Variants in SLC22A23 observed in about 807,000 individuals in gnomAD.
SLC22A23 encodes ion transporter protein.
SLC22A23 carries 26 observed loss-of-function variants against 61.0 expected under a neutral mutation model. That is an observed-to-expected ratio of 0.43 (90% CI 0.31 to 0.59). The LOEUF (loss-of-function observed/expected upper bound fraction) is 0.59. Ranked by LOEUF, SLC22A23 falls within the 20% of genes least tolerant of loss-of-function variation. SLC22A23 has a pLI of 0.11. For synonymous variants in SLC22A23, 430 were observed against 413.9 expected (o/e 1.04, Z -0.47); for missense variants, 796 against 934.7 (o/e 0.85, Z 1.94).
intron 2 of SLC22A23, 106 bp downstream of exon 2, chr6:3,415,646 C>T (rs575387404): frequency 2.5e-6 from 2 of 787,148 alleles, no homozygotes; most frequent in Admixed American, 2.4e-5. Flanking sequence ...TGCTCTGGCA[C>T]TGGGAAAAGA....
rs771245769 is a variant in SLC22A23 at position 3,273,419 on chromosome 6, G to C, written c.1704-7C>G. The C allele has an allele frequency of 5.0e-6, 8 of 1,611,538 alleles. No individual in the cohort carries two copies. The South Asian group carries it at 6.6e-5, about 13-fold the overall frequency. ...CAGCCCCAGCCCGCCACACCTGCAG[G>C]GGGAGGGAAGCACAGGGATTGCTGC... On this transcript the variant is annotated splice_region_variant and splice_polypyrimidine_tract_variant and intron_variant, in intron 9 of 9. Transcript: ENST00000406686.
chr6:3,358,323 G>A (rs1765236566), intron 3 of SLC22A23, among the ~76,000 whole-genome samples: 1 of 152,068 alleles, frequency 6.6e-6, no homozygotes, highest in Non-Finnish European at 1.5e-5. Flanking sequence ...TGGAAACAAC[G>A]CAGAGGTCCA....
intron 9 of SLC22A23, among the ~76,000 whole-genome samples, chr6:3,277,674 G>A (rs1415067412): frequency 6.6e-6 from 1 of 152,168 alleles, no homozygotes; most frequent in African/African-American, 2.4e-5. Context: ...TCCGTGTGCT[G>A]TCCCCAGCAC....
Position 3,414,510 on chromosome 6 carries a change from T to G in SLC22A23, c.758+1242A>C, listed in dbSNP as rs1296342436. 6.6e-6 allele frequency among the ~76,000 whole-genome samples: 1 copy of G among 152,058 alleles called. No homozygotes were observed. Among genetic ancestry groups the G allele is most frequent in the Middle Eastern group, 3.2e-3 (1 of 316 alleles). ...ATGTCAAGCACACAGGAAATCACAT[T>G]ACATGTCAGCTCAAGGAACTCCCAA... On this transcript the variant is annotated intron_variant, in intron 2 of 9. Coordinates refer to ENST00000406686, the MANE Select transcript of SLC22A23 (RefSeq NM_015482.2). The surrounding 1 kb of genome is among the most constrained non-coding windows in gnomAD (Gnocchi z 5.1).
Position 3,272,865 on chromosome 6 carries a change from T to C in SLC22A23, c.*190A>G, listed in dbSNP as rs1248003121. 1 of 519,994 alleles carries C rather than the reference T, an allele frequency of 1.9e-6. No individual in the cohort carries two copies. Among genetic ancestry groups the C allele is most frequent in the Admixed American group, 3.7e-5 (1 of 27,362 alleles). 32.2% of individuals were successfully genotyped at this position (519,994 alleles called of 1,614,324 possible). ...GAAAAGAAAGTCTTGAAAGGGTTAT[T>C]TCCAAAGAGTTTGTCTCCTCCGACC... On this transcript the variant is annotated 3_prime_UTR_variant, in exon 10 of 10. Transcript: ENST00000406686.
chr6:3,294,073 G>A (rs1290983560), intron 5 of SLC22A23, among the ~76,000 whole-genome samples: 1 of 152,146 alleles, frequency 6.6e-6, no homozygotes, highest in African/African-American at 2.4e-5. Flanking sequence ...CTTCCCCTGG[G>A]GCTAGCCTGA....
intron 1 of SLC22A23, among the ~76,000 whole-genome samples, chr6:3,452,588 C>A: frequency 8.6e-6 from 1 of 116,648 alleles, no homozygotes; most frequent in East Asian, 2.4e-4. Context: ...GCAACAGAGC[C>A]AGACGCTGTC....
At position 3,398,318 on chromosome 6, in the gene SLC22A23, C is replaced by A. The variant is rs551908826; in HGVS notation, c.913+11870G>T. Reference sequence around the variant, plus strand: ...ACTTTGGTTTGGAGGGAGTTCTGAGCCTTTTCCCAGAACTCACACAAAGCA... The same window carrying A: ...ACTTTGGTTTGGAGGGAGTTCTGAGACTTTTCCCAGAACTCACACAAAGCA... On this transcript the variant is annotated intron_variant, in intron 3 of 9. Transcript: ENST00000406686. 4.6e-5 allele frequency among the ~76,000 whole-genome samples: 7 copies of A among 152,218 alleles called. 1 individual carries two copies. Among genetic ancestry groups the A allele is most frequent in the African/African-American group, 1.7e-4 (7 of 41,524 alleles).
At chr6:3,383,110 GC>G (rs1393344611) in intron 3 of SLC22A23, among the ~76,000 whole-genome samples, 1 of 152,160 alleles carries the variant, frequency 6.6e-6, no homozygotes, top group Non-Finnish European at 1.5e-5. Flanking sequence ...CCAAATGATA[GC>G]AGCATATTCA....
intron 3 of SLC22A23, among the ~76,000 whole-genome samples, chr6:3,326,360 T>G (rs1177749297): frequency 6.6e-6 from 1 of 152,236 alleles, no homozygotes; most frequent in Non-Finnish European, 1.5e-5. Flanking sequence ...CGGTATCGCA[T>G]GCGATCACAT....
intron 3 of SLC22A23, among the ~76,000 whole-genome samples, chr6:3,350,252 T>C (rs883129): frequency 0.37 from 55,988 of 152,064 alleles, 11,549 homozygotes; most frequent in African/African-American, 0.55. Flanking sequence ...TGTCATAAAC[T>C]ACAGTTTTAA....
At position 3,297,341 on chromosome 6, in the gene SLC22A23, G is replaced by C. The variant is rs1190416003; in HGVS notation, c.1210+750C>G. Among the ~76,000 whole-genome samples, 1 of 152,224 alleles carries C rather than the reference G, an allele frequency of 6.6e-6. No individual in the cohort carries two copies. The highest frequency in any genetic ancestry group is 1.5e-5 in the Non-Finnish European group (1 of 68,040). On this transcript the variant is annotated intron_variant, in intron 5 of 9. Transcript: ENST00000406686. The surrounding 1 kb of genome is among the most constrained non-coding windows in gnomAD (Gnocchi z 4.3). ...AGCAACAATTTATCCCAGGTCTTCA[G>C]TGAGGGCAGTGAGTCAGAGCTTGGG...
Position 3,456,302 on chromosome 6 carries a change from G to A in SLC22A23, c.258C>T (p.Pro86=), listed in dbSNP as rs1772404169. The A allele has an allele frequency of 6.4e-7, 1 of 1,550,744 alleles. No homozygotes were observed. The highest frequency in any genetic ancestry group is 2.0e-5 in the Admixed American group (1 of 50,972). The change falls in exon 1 of 10, where the codon CCC becomes CCT. Residue 86 remains proline (P), a synonymous_variant. Transcript: ENST00000406686. The surrounding 1 kb of genome is among the most constrained non-coding windows in gnomAD (Gnocchi z 7.1). ...LLLDYDGSVL[P]FLGGLGGGYQ... Reference sequence around the variant, plus strand: ...AGCCCCCGCCCAGGCCCCCGAGGAAGGGCAGCACCGACCCGTCATAGTCCA... The same window carrying A: ...AGCCCCCGCCCAGGCCCCCGAGGAAAGGCAGCACCGACCCGTCATAGTCCA...
At chr6:3,422,690 T>C (rs1233138963) in intron 1 of SLC22A23, among the ~76,000 whole-genome samples, 1 of 152,228 alleles carries the variant, frequency 6.6e-6, no homozygotes. Flanking sequence ...ATGAACATCC[T>C]TGGGTACTCC....
chr6:3,292,654 G>A (rs969560213), intron 5 of SLC22A23, among the ~76,000 whole-genome samples: 1 of 152,230 alleles, frequency 6.6e-6, no homozygotes, highest in East Asian at 1.9e-4. Flanking sequence ...ATCCCCGTGT[G>A]GTCGGGGCTG....
intron 3 of SLC22A23, among the ~76,000 whole-genome samples, chr6:3,332,782 T>A (rs374449075): frequency 1.1e-4 from 16 of 152,294 alleles, no homozygotes; most frequent in South Asian, 2.1e-4. Context: ...GTTTTTTTTT[T>A]AAATCAGGAT....
Position 3,374,231 on chromosome 6 carries a change from T to C in SLC22A23, c.913+35957A>G, listed in dbSNP as rs149099512. ...AGAATGATTTGTGTGCAAGTCAGAATGCCTATGCTGGGCTCTCAGCTATAT... is the reference window on the plus strand; with the variant it reads ...AGAATGATTTGTGTGCAAGTCAGAACGCCTATGCTGGGCTCTCAGCTATAT... On this transcript the variant is annotated intron_variant, in intron 3 of 9. Coordinates refer to ENST00000406686, the MANE Select transcript of SLC22A23 (RefSeq NM_015482.2). Among the ~76,000 whole-genome samples the C allele has an allele frequency of 4.8e-3, 728 of 152,358 alleles. 11 individuals are homozygous for C. Among genetic ancestry groups the C allele is most frequent in the African/African-American group, 0.017 (701 of 41,588 alleles).
intron 1 of SLC22A23, among the ~76,000 whole-genome samples, chr6:3,431,420 A>G (rs1480536227): frequency 6.6e-6 from 1 of 152,194 alleles, no homozygotes; most frequent in East Asian, 1.9e-4. Flanking sequence ...GAAGGGAGAA[A>G]GGGAGGGAGG....
At chr6:3,284,171 C>A in intron 8 of SLC22A23, 196 bp from the exon 9 acceptor site, 1 of 502,096 alleles carries the variant, frequency 2.0e-6, no homozygotes, top group Admixed American at 3.3e-5. Context: ...TTTTGTGGGG[C>A]TTCTATGAGT....
Sources: gnomAD v4.1 joint callset for allele counts (sites outside exome capture counted in the v4.1 genomes callset) on GRCh38, gnomAD v4.1.1 for gene constraint, Gnocchi (gnomAD v3.1) non-coding constraint, MANE v1.5 for transcripts, NCBI Gene and HGNC (gene_info 2026-07-23, HGNC 2026-07-21) for gene names.